Variants in MCRIP2 observed in about 807,000 individuals in gnomAD.
MCRIP2 encodes the protein MAPK regulated corepressor interacting protein 2, also known as MAPK regulated co-repressor interacting protein 2.
MCRIP2 carries 21 observed loss-of-function variants against 23.2 expected under a neutral mutation model. The observed-to-expected ratio is 0.90, with a 90% CI of 0.64 to 1.30. The LOEUF is 1.30. Ranked by LOEUF, MCRIP2 falls within the 50% of genes most tolerant of loss-of-function variation. MCRIP2 has a pLI of 0.00. For missense variants in MCRIP2, 234 were observed against 223.2 expected (o/e 1.05, Z -0.31); for synonymous variants, 121 against 100.2 (o/e 1.21, Z -1.24).
intron 3 of MCRIP2, 113 bp from the exon 4 acceptor site, chr16:647,670 T>G: frequency 6.6e-7 from 1 of 1,524,726 alleles, no homozygotes; most frequent in South Asian, 1.2e-5. Context: ...CACTCTGCCC[T>G]TGTGTCCTGT....
chr16:643,540 C>CTTTT (rs869168510), intron 2 of MCRIP2, among the ~76,000 whole-genome samples: 5 of 119,424 alleles, frequency 4.2e-5, no homozygotes, highest in African/African-American at 7.0e-5. Flanking sequence ...GCTGTTGTCT[C>CTTTT]TTTTTTTTTT....
chr16:647,951 GCCAGGTTCCCACC>G, intron 4 of MCRIP2, 67 bp downstream of exon 4: 2 of 1,221,718 alleles, frequency 1.6e-6, no homozygotes, highest in Non-Finnish European at 2.3e-6. Context: ...CCCAGGCCCT[GCCAGGTTCCCACC>G]CCAGGGGATG....
rs1390106097 is a variant in MCRIP2, at chr16:648,356, G to C, written c.*166G>C. On this transcript the variant is annotated 3_prime_UTR_variant, in exon 5 of 5. Coordinates refer to ENST00000307650, the MANE Select transcript of MCRIP2 (RefSeq NM_138418.4). ...TTGGCCCGGCTGTCCCAACCAAGCT[G>C]CCATGGCCAAGGGCCGAACCCGTCT... is the stretch of plus-strand genomic sequence containing the variant. 3 of 737,636 alleles carry C rather than the reference G, an allele frequency of 4.1e-6. No individual in the cohort carries two copies. The African/African-American group carries it at 5.2e-5, about 13-fold the overall frequency. 45.7% of individuals were successfully genotyped at this position (737,636 alleles called of 1,614,324 possible).
In MCRIP2 at chr16:647,632, G is replaced by A. The variant is rs2037521531; in HGVS notation, c.310+88G>A. On this transcript the variant is annotated intron_variant, in intron 3 of 4. Transcript: ENST00000307650. ...TGGCCCCACTTCAAGCTGACCCACA[G>A]CCGCTGCATGGCTGTGCTTTTCCTT... 2.6e-6 allele frequency: 4 copies of A among 1,564,730 alleles called. No individual in the cohort carries two copies. The South Asian group carries it at 3.5e-5, about 14-fold the overall frequency.
At position 646,928 on chromosome 16, in the gene MCRIP2, T is replaced by C. The variant is rs985980981; in HGVS notation, c.183-489T>C. On this transcript the variant is annotated intron_variant, in intron 2 of 4. Transcript: ENST00000307650. The surrounding 1 kb of genome is among the most constrained non-coding windows in gnomAD (Gnocchi z 6.5). ...GTTCCCGTCCAGGTCCATCCGTCCA[T>C]GGAGGGAAACATCGTGGAGATGGAG... The C allele has an allele frequency of 5.9e-6, 1 of 169,454 alleles. No individual in the cohort carries two copies. The highest frequency in any genetic ancestry group is 1.4e-4 in the South Asian group (1 of 7,104). 10.5% of individuals were successfully genotyped at this position (169,454 alleles called of 1,614,324 possible). A position where few individuals can be genotyped will look rare whatever the true frequency, so the allele number is the denominator to read the frequency against.
intron 2 of MCRIP2, chr16:645,219 A>C (rs2037450259): frequency 6.7e-6 from 1 of 149,938 alleles, no homozygotes; most frequent in African/African-American, 2.5e-5. Flanking sequence ...TCGGCCTCCC[A>C]AAGTGCTGGG....
At position 642,148 on chromosome 16, in the gene MCRIP2, G is replaced by A. The variant is rs1186071190; in HGVS notation, c.81G>A (p.Arg27=). 9 of 1,362,746 alleles carry A rather than the reference G, an allele frequency of 6.6e-6. No individual in the cohort carries two copies. Among genetic ancestry groups the A allele is most frequent in the Admixed American group, 5.9e-5 (2 of 33,616 alleles). The allele number at this position is 1,362,746 out of a possible 1,614,324, so 84.4% of individuals were successfully genotyped here. Residue 27 remains arginine, a synonymous_variant, in exon 2 of 5, where the codon CGG becomes CGA. Transcript: ENST00000307650. Reference sequence around the variant, plus strand: ...CCACGCAGCAGCAGGTGGAGGGCCGGCTCGGCGAGCTCCTGAAATGCCGGC... The same window carrying A: ...CCACGCAGCAGCAGGTGGAGGGCCGACTCGGCGAGCTCCTGAAATGCCGGC... ...TGPTQQQVEG[R]LGELLKCRQP... is the part of the protein sequence containing the mutation.
chr16:647,470 C>T lies in MCRIP2; in HGVS notation c.236C>T (p.Thr79Met), dbSNP rs769497190. Residue 79 changes from threonine to methionine, a missense_variant, in exon 3 of 5, where the codon ACG (threonine) becomes ATG (methionine). Physicochemically the swap from Thr to Met is moderately conservative, Grantham distance 81. Transcript: ENST00000307650. ...GTGAATGGCCGGCGGGCCCCCTCCA[C>T]GTCCCCATCCTTCGAGGGGACCCAG... is the stretch of plus-strand genomic sequence containing the variant. Reference protein sequence around the residue: ...NRVNGRRAPSTSPSFEGTQET... With the variant: ...NRVNGRRAPSMSPSFEGTQET... The T allele has an allele frequency of 9.3e-6, 15 of 1,613,230 alleles. No homozygotes were observed. The highest frequency in any genetic ancestry group is 1.7e-5 in the Admixed American group (1 of 59,998).
rs771052854 is a variant in MCRIP2, at chr16:648,223, G to A, written c.*33G>A. Reference sequence around the variant, plus strand: ...TGGGAGGGGGCGCTGCTACACGGCCGACCTGTCGCCAGGAGAGAAGCATGG... The same window carrying A: ...TGGGAGGGGGCGCTGCTACACGGCCAACCTGTCGCCAGGAGAGAAGCATGG... On this transcript the variant is annotated 3_prime_UTR_variant, in exon 5 of 5. Transcript: ENST00000307650. 14 of 1,585,348 alleles carry A rather than the reference G, an allele frequency of 8.8e-6. No individual in the cohort carries two copies. In the East Asian group the frequency reaches 3.0e-4, roughly 33 times the overall value.
rs899363115 is a variant in MCRIP2 at position 642,265 on chromosome 16, CCCCGG to C, written c.182+33_182+37del. 117 of 1,167,094 alleles carry C rather than the reference CCCCGG, an allele frequency of 1.0e-4. No individual in the cohort carries two copies. The highest frequency in any genetic ancestry group is 1.6e-4 in the African/African-American group (10 of 61,854). The allele number at this position is 1,167,094 out of a possible 1,614,324, so 72.3% of individuals were successfully genotyped here. ...CCCTGTCGAGGTGAGACGCGCGCGGCCCCGGCCCGGCCCGGCCCGGCTTCCCCTCC... is the reference window on the plus strand; with the variant it reads ...CCCTGTCGAGGTGAGACGCGCGCGGCCCCGGCCCGGCCCGGCTTCCCCTCC... On this transcript the variant is annotated intron_variant, in intron 2 of 4. Transcript: ENST00000307650.
At chr16:644,934 C>T (rs138761556) in intron 2 of MCRIP2, among the ~76,000 whole-genome samples, 3 of 152,046 alleles carry the variant, frequency 2.0e-5, no homozygotes, top group Non-Finnish European at 4.4e-5. Flanking sequence ...AGTGACAGAC[C>T]AGATAAACCT....
Position 647,518 on chromosome 16 carries a change from AG to A in MCRIP2, c.286del (p.Glu96ArgfsTer49). The stretch of plus-strand genomic sequence containing the variant: ...CAGGAGACCTACACAGTGGCCCACG[AG>A]GAGAATGTCCGCTTTGTGTCCGAAG... ...GTQETYTVAHEENVRFVSEAW... is the reference protein window; with the variant it reads ...GTQETYTVAHXENVRFVSEAW... On this transcript the variant is annotated frameshift_variant, in exon 3 of 5. Transcript: ENST00000307650. LOFTEE classifies it high-confidence loss of function. 1 of 1,612,756 alleles carries A rather than the reference AG, an allele frequency of 6.2e-7. No individual in the cohort carries two copies. Among genetic ancestry groups the A allele is most frequent in the East Asian group, 2.2e-5 (1 of 44,878 alleles).
Position 641,829 on chromosome 16 carries a change from C to A in MCRIP2, c.-163C>A. 1 of 575,784 alleles carries A rather than the reference C, an allele frequency of 1.7e-6. No homozygotes were observed. The highest frequency in any genetic ancestry group is 2.5e-6 in the Non-Finnish European group (1 of 396,992). 35.7% of individuals were successfully genotyped at this position (575,784 alleles called of 1,614,324 possible). On this transcript the variant is annotated 5_prime_UTR_variant, in exon 1 of 5. Coordinates refer to ENST00000307650, the MANE Select transcript of MCRIP2 (RefSeq NM_138418.4). ...CCAAAGGGCGCAAGCGCCGCCTCCG[C>A]CGCGTGTCCGGGGTCAGCCCGAGCC...
Position 642,054 on chromosome 16 carries a change from G to A in MCRIP2, c.52+11G>A. ...CGCAGCGCCGCACAGGTGCGCACGG[G>A]CCGGGGAACGGGAACGGGGACGGGG... On this transcript the variant is annotated intron_variant, in intron 1 of 4. Coordinates refer to ENST00000307650, the MANE Select transcript of MCRIP2 (RefSeq NM_138418.4). The A allele has an allele frequency of 7.6e-7, 1 of 1,320,170 alleles. No individual in the cohort carries two copies. The highest frequency in any genetic ancestry group is 9.6e-7 in the Non-Finnish European group (1 of 1,039,060). The allele number at this position is 1,320,170 out of a possible 1,614,324, so 81.8% of individuals were successfully genotyped here.
At chr16:642,275 G>GCCCGGC in intron 2 of MCRIP2, 26 bp downstream of exon 2, 1 of 1,156,464 alleles carries the variant, frequency 8.6e-7, no homozygotes, top group South Asian at 4.2e-5. Context: ...CCCCGGCCCG[G>GCCCGGC]CCCGGCCCGG....
Position 641,965 on chromosome 16 carries a change from CCGG to C in MCRIP2, c.-20_-18del. The C allele has an allele frequency of 7.7e-7, 1 of 1,305,970 alleles. No individual in the cohort carries two copies. The highest frequency in any genetic ancestry group is 9.7e-7 in the Non-Finnish European group (1 of 1,029,392). 80.9% of individuals were successfully genotyped at this position (1,305,970 alleles called of 1,614,324 possible). A position where few individuals can be genotyped will look rare whatever the true frequency, so the allele number is the denominator to read the frequency against. ...CGCAGGGGCCGGATCTGGCCGGGGG[CCGG>C]CGGCGGTGTGGGAGCGGCGCGTCAT... is the stretch of plus-strand genomic sequence containing the variant. On this transcript the variant is annotated 5_prime_UTR_variant, in exon 1 of 5. Transcript: ENST00000307650.
chr16:647,300 G>A (rs1391392112), intron 2 of MCRIP2, 117 bp from the exon 3 acceptor site: 1 of 1,465,126 alleles, frequency 6.8e-7, no homozygotes. Context: ...TTCAGGAAGT[G>A]CCTAGGCTGG....
chr16:642,069 C>G (rs1291865440), intron 1 of MCRIP2, 26 bp downstream of exon 1: 19 of 1,316,682 alleles, frequency 1.4e-5, no homozygotes, highest in Non-Finnish European at 1.8e-5. Flanking sequence ...GGAACGGGAA[C>G]GGGGACGGGG....
At position 646,969 on chromosome 16, in the gene MCRIP2, G is replaced by GTATCATTA; in HGVS notation, c.183-448_183-447insTATCATTA. The GTATCATTA allele has an allele frequency of 6.1e-6, 1 of 162,736 alleles. No individual in the cohort carries two copies. Among genetic ancestry groups the GTATCATTA allele is most frequent in the Non-Finnish European group, 1.3e-5 (1 of 74,696 alleles). 10.1% of individuals were successfully genotyped at this position (162,736 alleles called of 1,614,324 possible). ...GGAGATGGAGGTGCTTCTGTGGGGC[G>GTATCATTA]AGAATGTGGCCTAGAACTACACCCA... On this transcript the variant is annotated intron_variant, in intron 2 of 4. Coordinates refer to ENST00000307650, the MANE Select transcript of MCRIP2 (RefSeq NM_138418.4). The surrounding 1 kb of genome is among the most constrained non-coding windows in gnomAD (Gnocchi z 6.5).
Sources: allele counts gnomAD v4.1 joint callset (sites outside exome capture counted in the v4.1 genomes callset), GRCh38; gene constraint gnomAD v4.1.1; non-coding constraint Gnocchi (gnomAD v3.1); transcripts MANE v1.5; gene names NCBI Gene and HGNC (gene_info 2026-07-23, HGNC 2026-07-21).